The following PCDH7 variants were observed in gnomAD, a reference collection of about 807,000 sequenced individuals.
PCDH7 encodes protocadherin-7.
In PCDH7, 17 loss-of-function variants were observed where a neutral mutation model predicts 58.9. The observed-to-expected ratio is 0.29, with a 90% confidence interval of 0.20 to 0.43. The LOEUF (loss-of-function observed/expected upper bound fraction) is 0.43. Among genes scored for constraint, PCDH7 ranks in the 20% least tolerant of loss-of-function variants. The probability of loss-of-function intolerance (pLI) is 1.00; values close to 1 mark genes in which losing one functional copy is unlikely to be tolerated. For synonymous variants in PCDH7, 664 were observed against 616.4 expected (o/e 1.08, Z -1.14); for missense variants, 1,274 against 1,441.0 (o/e 0.88, Z 1.88).
In PCDH7 at chr4:30,748,506, C is replaced by T. The variant is rs148183937; in HGVS notation, c.70+23910C>T. 6.2e-4 allele frequency among the ~76,000 whole-genome samples: 94 copies of T among 152,218 alleles called. No homozygotes were observed. The East Asian group carries it at 7.1e-3, about 12-fold the overall frequency. ...TTAGACAGAGAACAAATGGGGCCAGCCTCATTCTTTTTATCAGGGTCTCAC... is the reference window on the plus strand; with the variant it reads ...TTAGACAGAGAACAAATGGGGCCAGTCTCATTCTTTTTATCAGGGTCTCAC... On this transcript the variant is annotated intron_variant, in intron 1 of 3. Transcript: ENST00000509759.
intron 1 of PCDH7, among the ~76,000 whole-genome samples, chr4:30,844,271 T>G (rs1290617771): frequency 6.6e-6 from 1 of 152,188 alleles, no homozygotes; most frequent in Non-Finnish European, 1.5e-5. Flanking sequence ...TCATGTAATG[T>G]TACTAAACAA....
chr4:30,945,059 A>G (rs1291180985), intron 2 of PCDH7, among the ~76,000 whole-genome samples: 1 of 152,130 alleles, frequency 6.6e-6, no homozygotes, highest in African/African-American at 2.4e-5. Context: ...TCTCAGCTCC[A>G]GTTATGGAAA....
chr4:30,997,009 G>T (rs1024728001), intron 3 of PCDH7, among the ~76,000 whole-genome samples: 11 of 151,908 alleles, frequency 7.2e-5, no homozygotes, highest in Admixed American at 2.0e-4. Context: ...TAATTGCCAA[G>T]AGGTATAACT....
intron 1 of PCDH7, among the ~76,000 whole-genome samples, chr4:30,891,873 C>A (rs559058258): frequency 5.9e-5 from 9 of 151,282 alleles, no homozygotes; most frequent in African/African-American, 2.2e-4. Context: ...TTTGTGCTCA[C>A]ATGATATGTC....
At chr4:30,839,900 G>A (rs1024768440) in intron 1 of PCDH7, among the ~76,000 whole-genome samples, 3 of 152,066 alleles carry the variant, frequency 2.0e-5, no homozygotes, top group Admixed American at 1.3e-4. Context: ...TGTAATATGG[G>A]TTTTTGAATA....
chr4:30,827,874 T>C (rs553209081), intron 1 of PCDH7, among the ~76,000 whole-genome samples: 3 of 152,272 alleles, frequency 2.0e-5, no homozygotes, highest in Non-Finnish European at 4.4e-5. Context: ...GCAATCCTTA[T>C]AAGAGGCAGA....
rs200365594 is a variant in PCDH7, at chr4:30,843,699, A to AT, written c.71-76445dup. On this transcript the variant is annotated intron_variant, in intron 1 of 3. Transcript: ENST00000509759. The stretch of plus-strand genomic sequence containing the variant: ...ACAAACTTGCTCTTGCACTACCTAG[A>AT]TTTTTTTTTGTGGTACATTTGGGCT... Among the ~76,000 whole-genome samples, 405 of 151,724 alleles carry AT rather than the reference A, an allele frequency of 2.7e-3. 13 individuals carry two copies. In the East Asian group the frequency reaches 0.07, roughly 26 times the overall value.
intron 1 of PCDH7, among the ~76,000 whole-genome samples, chr4:30,802,546 A>G (rs1268969301): frequency 6.6e-6 from 1 of 152,130 alleles, no homozygotes; most frequent in African/African-American, 2.4e-5. Context: ...AAAAAGTCAG[A>G]TGGACAAAAG....
chr4:30,773,911 T>C (rs1721735084), intron 1 of PCDH7, among the ~76,000 whole-genome samples: 1 of 152,176 alleles, frequency 6.6e-6, no homozygotes, highest in Non-Finnish European at 1.5e-5. Flanking sequence ...TTTTTCTTTT[T>C]AATTTTTATG....
chr4:30,869,293 T>C (rs1161142966), intron 1 of PCDH7, among the ~76,000 whole-genome samples: 2 of 152,174 alleles, frequency 1.3e-5, no homozygotes, highest in African/African-American at 4.8e-5. Flanking sequence ...TTTACTTTTT[T>C]TTAAATTGTA....
intron 3 of PCDH7, among the ~76,000 whole-genome samples, chr4:31,003,892 C>G (rs1332608895): frequency 6.6e-6 from 1 of 152,120 alleles, no homozygotes; most frequent in African/African-American, 2.4e-5. Context: ...ATTAGGGACT[C>G]AATCTGTACC....
chr4:30,778,813 C>T lies in PCDH7; in HGVS notation c.70+54217C>T, dbSNP rs978043621. Among the ~76,000 whole-genome samples, 8 of 151,956 alleles carry T rather than the reference C, an allele frequency of 5.3e-5. No homozygotes were observed. In the East Asian group the frequency reaches 9.7e-4, roughly 18 times the overall value. On this transcript the variant is annotated intron_variant, in intron 1 of 3. Transcript: ENST00000509759. The stretch of plus-strand genomic sequence containing the variant: ...AATAATCTCATCCCCAAATCTTCAA[C>T]GTCTTTGTGATATAATTCTCATAAT...
intron 1 of PCDH7, among the ~76,000 whole-genome samples, chr4:30,864,432 A>AACACACACACACACAC (rs5857208): frequency 7.5e-5 from 11 of 146,570 alleles, no homozygotes; most frequent in Non-Finnish European, 1.5e-4. Flanking sequence ...ATTATTGGAG[A>AACACACACACACACAC]ACACACACAC....
At chr4:31,024,238 TTTAATACGTGAAAA>T (rs1261011684) in intron 3 of PCDH7, among the ~76,000 whole-genome samples, 1 of 152,230 alleles carries the variant, frequency 6.6e-6, no homozygotes, top group Non-Finnish European at 1.5e-5. Context: ...CACAATTTCC[TTTAATACGTGAAAA>T]AACCTTCAGG....
intron 1 of PCDH7, among the ~76,000 whole-genome samples, chr4:30,783,531 T>G (rs1723044017): frequency 6.6e-6 from 1 of 152,240 alleles, no homozygotes; most frequent in African/African-American, 2.4e-5. Flanking sequence ...GATTTAGTAT[T>G]GAAGCATACC....
intron 3 of PCDH7, among the ~76,000 whole-genome samples, chr4:31,007,883 G>A (rs1752899089): frequency 6.6e-6 from 1 of 152,134 alleles, no homozygotes; most frequent in South Asian, 2.1e-4. Context: ...GTGAATTACA[G>A]AATCAGCTTT....
chr4:31,077,118 T>A (rs1759064292), intron 3 of PCDH7, among the ~76,000 whole-genome samples: 1 of 152,054 alleles, frequency 6.6e-6, no homozygotes, highest in Non-Finnish European at 1.5e-5. Flanking sequence ...TTATGCATAT[T>A]TAAAAAATCA....
chr4:30,759,967 T>G (rs1719810812), intron 1 of PCDH7, among the ~76,000 whole-genome samples: 2 of 152,136 alleles, frequency 1.3e-5, no homozygotes, highest in Non-Finnish European at 2.9e-5. Context: ...GGACAATCTT[T>G]TCATGAAACC....
At chr4:30,911,320 A>AC (rs10718639) in intron 1 of PCDH7, among the ~76,000 whole-genome samples, 1,625 of 116,102 alleles carry the variant, frequency 0.014, 14 homozygotes, top group Non-Finnish European at 0.023. Flanking sequence ...AAAAAAAATC[A>AC]CCCCCCCCCC....
Sources: allele counts gnomAD v4.1 joint callset (sites outside exome capture counted in the v4.1 genomes callset), GRCh38; gene constraint gnomAD v4.1.1; transcripts MANE v1.5; gene names NCBI Gene and HGNC (gene_info 2026-07-23, HGNC 2026-07-21).